PDE4D: variants seen among roughly 807,000 people sequenced by gnomAD.
The protein encoded by PDE4D is 3',5'-cyclic-AMP phosphodiesterase 4D.
In PDE4D, 24 loss-of-function variants were observed where a neutral mutation model predicts 87.4. That is an observed-to-expected ratio of 0.27 (90% CI 0.20 to 0.39). PDE4D has a LOEUF of 0.39. PDE4D is among the 10% of genes least tolerant of loss of function. The pLI, the probability that PDE4D is intolerant of heterozygous loss-of-function variation, is 1.00. For missense variants in PDE4D, 714 were observed against 1,041.0 expected (o/e 0.69, Z 4.32); for synonymous variants, 384 against 383.2 (o/e 1.00, Z -0.02).
chr5:59,645,870 G>A (rs567064680), intron 1 of PDE4D, among the ~76,000 whole-genome samples: 1 of 152,260 alleles, frequency 6.6e-6, no homozygotes, highest in East Asian at 1.9e-4. Context: ...GAAACTTGAT[G>A]TAACTTTTCT....
At chr5:60,325,699 G>T (rs1326046661) in intron 1 of PDE4D, among the ~76,000 whole-genome samples, 1 of 151,898 alleles carries the variant, frequency 6.6e-6, no homozygotes, top group Non-Finnish European at 1.5e-5. Flanking sequence ...TTCCCCCATG[G>T]TAATAATATC....
intron 1 of PDE4D, among the ~76,000 whole-genome samples, chr5:59,838,705 A>C (rs1476525432): frequency 1.3e-5 from 2 of 152,124 alleles, no homozygotes; most frequent in Non-Finnish European, 2.9e-5. Context: ...CATAATATTT[A>C]GTGCCTATAG....
chr5:59,993,697 T>G (rs911290517), intron 2 of PDE4D, among the ~76,000 whole-genome samples: 1 of 152,104 alleles, frequency 6.6e-6, no homozygotes, highest in African/African-American at 2.4e-5. Context: ...TTCCCTATAA[T>G]AAAGATGTCT....
intron 5 of PDE4D, among the ~76,000 whole-genome samples, chr5:59,042,586 G>A (rs987676518): frequency 6.6e-6 from 1 of 152,072 alleles, no homozygotes; most frequent in Non-Finnish European, 1.5e-5. Context: ...CTAAGTCAAG[G>A]AACTAAACAG....
At chr5:59,373,938 G>A (rs923401275) in intron 1 of PDE4D, among the ~76,000 whole-genome samples, 1 of 152,164 alleles carries the variant, frequency 6.6e-6, no homozygotes, top group African/African-American at 2.4e-5. Flanking sequence ...AGCATCATAA[G>A]TGAAGGGGAA....
At chr5:59,062,577 G>A (rs1763284251) in intron 5 of PDE4D, among the ~76,000 whole-genome samples, 1 of 152,028 alleles carries the variant, frequency 6.6e-6, no homozygotes. Context: ...GCTATGATGT[G>A]TGCAGTTTTC....
chr5:59,588,422 A>C (rs1029496340), intron 1 of PDE4D, among the ~76,000 whole-genome samples: 2 of 152,226 alleles, frequency 1.3e-5, no homozygotes, highest in Admixed American at 1.3e-4. Context: ...TACACTCAAC[A>C]TTAATATACC....
intron 5 of PDE4D, among the ~76,000 whole-genome samples, chr5:59,114,913 T>C (rs1773331108): frequency 6.6e-6 from 1 of 152,136 alleles, no homozygotes; most frequent in African/African-American, 2.4e-5. Context: ...ATGATAAGTG[T>C]AAACTTTCTA....
intron 1 of PDE4D, among the ~76,000 whole-genome samples, chr5:59,878,725 C>A (rs1561805683): frequency 6.6e-6 from 1 of 152,076 alleles, no homozygotes; most frequent in South Asian, 2.1e-4. Flanking sequence ...TTAAAAAAAA[C>A]CTCTCTTAAA....
rs60355008 is a variant in PDE4D at position 59,576,303 on chromosome 5, C to T, written c.455+316865G>A. On this transcript the variant is annotated intron_variant, in intron 1 of 14. Coordinates refer to ENST00000340635, the MANE Select transcript of PDE4D (RefSeq NM_001104631.2). ...GTAGATAACAAGCCCTTGCCACAGA[C>T]TTGGGGGATGATTAAGTAAAATGAT... Among the ~76,000 whole-genome samples, 520 of 152,156 alleles carry T rather than the reference C, an allele frequency of 3.4e-3. 3 individuals are homozygous for T. The highest frequency in any genetic ancestry group is 0.012 in the African/African-American group (503 of 41,528).
intron 6 of PDE4D, among the ~76,000 whole-genome samples, chr5:59,006,352 G>A (rs1751608267): frequency 6.6e-6 from 1 of 152,166 alleles, no homozygotes; most frequent in Non-Finnish European, 1.5e-5. Flanking sequence ...ATTGCTTGAG[G>A]CCAGGAGGTC....
At position 59,476,558 on chromosome 5, in the gene PDE4D, C is replaced by G. The variant is rs146364511; in HGVS notation, c.456-260590G>C. The stretch of plus-strand genomic sequence containing the variant: ...TCTACTGCATGTGTTCAAATTTACT[C>G]CCACTGTAATTATTCTCTCCTGGCA... On this transcript the variant is annotated intron_variant, in intron 1 of 14. Coordinates refer to ENST00000340635, the MANE Select transcript of PDE4D (RefSeq NM_001104631.2). 5.8e-4 allele frequency among the ~76,000 whole-genome samples: 88 copies of G among 152,118 alleles called. No individual in the cohort carries two copies. The East Asian group carries it at 0.017, about 29-fold the overall frequency.
intron 5 of PDE4D, among the ~76,000 whole-genome samples, chr5:59,065,863 C>T (rs1235961536): frequency 7.2e-5 from 11 of 152,066 alleles, no homozygotes; most frequent in African/African-American, 2.7e-4. Context: ...CCATTCTATA[C>T]CAATTTGTTT....
chr5:59,411,563 G>A (rs1388710650), intron 1 of PDE4D, among the ~76,000 whole-genome samples: 3 of 152,176 alleles, frequency 2.0e-5, no homozygotes, highest in Non-Finnish European at 1.5e-5. Flanking sequence ...GCTTTCAGAT[G>A]GCTGCCTTCT....
At chr5:59,700,177 G>A (rs1752363108) in intron 1 of PDE4D, among the ~76,000 whole-genome samples, 1 of 152,154 alleles carries the variant, frequency 6.6e-6, no homozygotes, top group African/African-American at 2.4e-5. Flanking sequence ...GAACTGCAGG[G>A]CTGTGTGATT....
intron 1 of PDE4D, among the ~76,000 whole-genome samples, chr5:59,800,893 T>C (rs1020881669): frequency 2.0e-5 from 3 of 152,234 alleles, no homozygotes; most frequent in African/African-American, 7.2e-5. Flanking sequence ...TAAATGCAAA[T>C]GTGCCATACA....
chr5:59,376,798 C>T, intron 1 of PDE4D, among the ~76,000 whole-genome samples: 1 of 152,110 alleles, frequency 6.6e-6, no homozygotes, highest in South Asian at 2.1e-4. Flanking sequence ...TACAGGGCCA[C>T]AGTAACCAAA....
intron 2 of PDE4D, among the ~76,000 whole-genome samples, chr5:60,038,404 T>C (rs1216796018): frequency 6.6e-6 from 1 of 152,168 alleles, no homozygotes; most frequent in Non-Finnish European, 1.5e-5. Context: ...TTGCTTCTTT[T>C]TCTCAGGTTC....
intron 5 of PDE4D, among the ~76,000 whole-genome samples, chr5:59,071,290 A>G (rs1476816670): frequency 6.6e-6 from 1 of 152,094 alleles, no homozygotes; most frequent in Non-Finnish European, 1.5e-5. Flanking sequence ...CCAATTAATG[A>G]GTTCTGGAAA....
Sources: gnomAD v4.1 joint callset for allele counts (sites outside exome capture counted in the v4.1 genomes callset) on GRCh38, gnomAD v4.1.1 for gene constraint, MANE v1.5 for transcripts, NCBI Gene and HGNC (gene_info 2026-07-23, HGNC 2026-07-21) for gene names.